Variants in TENM2 observed in about 807,000 individuals in gnomAD.
The protein encoded by TENM2 is teneurin transmembrane protein 2, also known as teneurin-2.
A neutral mutation model predicts 245.2 loss-of-function variants in TENM2; 52 were observed. The ratio of observed to expected loss-of-function variants is 0.21; its 90% CI spans 0.17 to 0.27. TENM2 has a LOEUF of 0.27. Ranked by LOEUF, TENM2 falls within the 10% of genes least tolerant of loss-of-function variation. The probability of loss-of-function intolerance (pLI) is 1.00; values close to 1 mark genes in which losing one functional copy is unlikely to be tolerated. For synonymous variants in TENM2, 1,363 were observed against 1,438.9 expected, an observed-to-expected ratio of 0.95 and a Z score of 1.19; for missense variants, 3,046 against 3,666.8, an observed-to-expected ratio of 0.83 and a Z score of 4.37.
intron 2 of TENM2, among the ~76,000 whole-genome samples, chr5:167,710,769 C>T (rs561684123): frequency 6.6e-6 from 1 of 152,248 alleles, no homozygotes; most frequent in African/African-American, 2.4e-5. Context: ...AAAGGAATGA[C>T]ACAGTCAAGC....
chr5:168,218,910 G>C lies in TENM2; in HGVS notation c.5019G>C (p.Gln1673His). The C allele has an allele frequency of 6.2e-7, 1 of 1,613,994 alleles. No homozygotes were observed. The highest frequency in any genetic ancestry group is 8.5e-7 in the Non-Finnish European group (1 of 1,179,890). The stretch of plus-strand genomic sequence containing the variant: ...GAGGCCTCAAAGTCGTGTCCACACA[G>C]AACCTGGAGCTTGGTCTCATGACCT... The change falls in exon 23 of 29, where the codon CAG becomes CAC. Residue 1673 changes from glutamine to histidine, a missense_variant. Around this residue, in one of 2 missense-constraint regions of TENM2, gnomAD observed 2,704 missense variants for 3,331.9 expected, o/e 0.81. Coordinates refer to ENST00000518659, the Ensembl canonical transcript of TENM2. This position sits in a 1 kb window ranked among gnomAD's most constrained non-coding sequence, Gnocchi z 5.2.
intron 2 of TENM2, among the ~76,000 whole-genome samples, chr5:167,457,209 A>G (rs1474333466): frequency 1.3e-5 from 2 of 152,194 alleles, no homozygotes; most frequent in African/African-American, 4.8e-5. Context: ...TTAGTAGACC[A>G]ATCATTCTAA....
rs965761332 is a variant in TENM2 at position 167,987,838 on chromosome 5, G to C, written c.948-5106G>C. ...ACTTCTATCGAATCTTTCTCTTTTT[G>C]TTTGCTGAATTTAATCTTCTAAAGA... On this transcript the variant is annotated intron_variant, in intron 4 of 28. Transcript: ENST00000518659. Among the ~76,000 whole-genome samples, 3 of 152,120 alleles carry C rather than the reference G, an allele frequency of 2.0e-5. No individual in the cohort carries two copies. In the South Asian group the frequency reaches 6.2e-4, roughly 31 times the overall value.
Position 168,218,821 on chromosome 5 carries a change from G to T in TENM2, c.4930G>T (p.Gly1644Cys), listed in dbSNP as rs140633859. Residue 1644 changes from glycine (G) to cysteine (C), a missense_variant, in exon 23 of 29, where the codon GGC (glycine) becomes TGC (cysteine). Physicochemically the swap from Gly to Cys is radical, Grantham distance 159. Around this residue, in one of 2 missense-constraint regions of TENM2, gnomAD observed 2,704 missense variants for 3,331.9 expected, o/e 0.81. Coordinates refer to ENST00000518659, the Ensembl canonical transcript of TENM2. This position sits in a 1 kb window ranked among gnomAD's most constrained non-coding sequence, Gnocchi z 5.2. ...CCTGAAGATCCGTCGGGACAGCAGTGGCATGCCCCGTCACCTGCTCATGCC... is the reference window on the plus strand; with the variant it reads ...CCTGAAGATCCGTCGGGACAGCAGTTGCATGCCCCGTCACCTGCTCATGCC... The T allele has an allele frequency of 1.2e-6, 2 of 1,613,848 alleles. No individual in the cohort carries two copies. The highest frequency in any genetic ancestry group is 2.7e-5 in the African/African-American group (2 of 74,888).
chr5:167,016,851 C>T, the TENM2 span, among the ~76,000 whole-genome samples: 125,286 of 152,100 alleles, frequency 0.82, 52,025 homozygotes, highest in Admixed American at 0.9. Context: ...CTTATTCATG[C>T]TTTGTGGTAG....
the TENM2 span, among the ~76,000 whole-genome samples, chr5:167,148,099 C>T: frequency 3.9e-5 from 6 of 152,098 alleles, no homozygotes; most frequent in Admixed American, 1.3e-4. Flanking sequence ...CTGAAATGAT[C>T]GAGTATTATT....
intron 20 of TENM2, among the ~76,000 whole-genome samples, chr5:168,214,583 C>G (rs866081387): frequency 1.8e-4 from 27 of 152,142 alleles, no homozygotes; most frequent in Admixed American, 7.9e-4. Flanking sequence ...CCAGGTCACC[C>G]TGGTATTAAT....
chr5:167,707,707 C>T (rs564903166), intron 2 of TENM2, among the ~76,000 whole-genome samples: 2 of 152,270 alleles, frequency 1.3e-5, no homozygotes, highest in South Asian at 4.1e-4. Flanking sequence ...GTCTAGAATC[C>T]TAGCAAGTCT....
At chr5:167,009,982 T>A in the TENM2 span, among the ~76,000 whole-genome samples, 1 of 152,202 alleles carries the variant, frequency 6.6e-6, no homozygotes, top group African/African-American at 2.4e-5. Context: ...TTGAATTTTT[T>A]ATTGGTTTTA....
intron 2 of TENM2, among the ~76,000 whole-genome samples, chr5:167,490,266 A>G (rs1768342959): frequency 6.6e-6 from 1 of 152,172 alleles, no homozygotes; most frequent in Non-Finnish European, 1.5e-5. Context: ...TTTTTTAAAT[A>G]AACTTTTTAT....
intron 2 of TENM2, among the ~76,000 whole-genome samples, chr5:167,789,003 ATC>A (rs1472578377): frequency 6.6e-6 from 1 of 152,150 alleles, no homozygotes; most frequent in Non-Finnish European, 1.5e-5. Context: ...ACCCCACTAG[ATC>A]TACTACACGT....
At chr5:167,103,410 T>G in the TENM2 span, among the ~76,000 whole-genome samples, 1 of 152,246 alleles carries the variant, frequency 6.6e-6, no homozygotes, top group Non-Finnish European at 1.5e-5. Flanking sequence ...CTTACTGTGT[T>G]TACCGAAGGA....
At chr5:168,004,448 G>A (rs1240294977) in intron 5 of TENM2, among the ~76,000 whole-genome samples, 2 of 151,612 alleles carry the variant, frequency 1.3e-5, no homozygotes, top group African/African-American at 2.4e-5. Flanking sequence ...TGGGGACTTG[G>A]GAGTGGAGCA....
intron 13 of TENM2, among the ~76,000 whole-genome samples, chr5:168,170,220 C>G (rs1327513676): frequency 1.3e-5 from 2 of 152,154 alleles, no homozygotes; most frequent in African/African-American, 4.8e-5. Context: ...AAAGATAGAA[C>G]CAGCTGCGCA....
chr5:167,897,133 C>G (rs1329733405), intron 3 of TENM2, among the ~76,000 whole-genome samples: 1 of 152,182 alleles, frequency 6.6e-6, no homozygotes, highest in African/African-American at 2.4e-5. Context: ...CCTGATTAAT[C>G]CACACTTTTA....
intron 7 of TENM2, among the ~76,000 whole-genome samples, chr5:168,064,792 C>G (rs902172660): frequency 2.0e-5 from 3 of 152,088 alleles, no homozygotes; most frequent in African/African-American, 4.8e-5. Flanking sequence ...GTTGAGGGGT[C>G]AAGTAAGCAA....
At chr5:168,066,387 C>T (rs1790510373) in intron 7 of TENM2, among the ~76,000 whole-genome samples, 1 of 152,144 alleles carries the variant, frequency 6.6e-6, no homozygotes, top group Non-Finnish European at 1.5e-5. Flanking sequence ...ATGAAGATCC[C>T]TAATGACTTA....
intron 2 of TENM2, among the ~76,000 whole-genome samples, chr5:167,647,638 G>A (rs1705221842): frequency 6.6e-6 from 1 of 151,972 alleles, no homozygotes; most frequent in Non-Finnish European, 1.5e-5. Context: ...AAAAGAAAAG[G>A]AGGATGTTGC....
At chr5:168,127,154 C>T (rs953222953) in intron 12 of TENM2, among the ~76,000 whole-genome samples, 188 bp downstream of exon 14, 2 of 152,058 alleles carry the variant, frequency 1.3e-5, no homozygotes, top group African/African-American at 2.4e-5. Flanking sequence ...TCCAGGATTC[C>T]GAGTTGAAAG....
Sources: gnomAD v4.1 joint callset for allele counts (sites outside exome capture counted in the v4.1 genomes callset) on GRCh38, gnomAD v4.1.1 for gene constraint, gnomAD v4.1.1 regional missense constraint, Gnocchi (gnomAD v3.1) non-coding constraint, MANE v1.5 for transcripts, NCBI Gene and HGNC (gene_info 2026-07-23, HGNC 2026-07-21) for gene names.